ROR1: variants seen among roughly 807,000 people sequenced by gnomAD.
ROR1 encodes inactive tyrosine-protein kinase transmembrane receptor ROR1.
In ROR1, 19 loss-of-function variants were observed where a neutral mutation model predicts 78.8. The ratio of observed to expected loss-of-function variants is 0.24; its 90% CI spans 0.17 to 0.35. The LOEUF is 0.35. ROR1 is among the 10% of genes least tolerant of loss of function. ROR1 has a pLI of 1.00. For missense variants in ROR1, 917 were observed against 1,177.8 expected (o/e 0.78, Z 3.24); for synonymous variants, 386 against 433.6 (o/e 0.89, Z 1.36).
At chr1:63,930,545 C>G (rs1645743410) in intron 1 of ROR1, among the ~76,000 whole-genome samples, 1 of 152,188 alleles carries the variant, frequency 6.6e-6, no homozygotes, top group Admixed American at 6.5e-5. Flanking sequence ...CCAGCTGCAT[C>G]AGGTGGTAGA....
intron 2 of ROR1, among the ~76,000 whole-genome samples, chr1:64,025,171 C>G (rs1646597772): frequency 6.6e-6 from 1 of 152,092 alleles, no homozygotes; most frequent in Admixed American, 6.6e-5. Context: ...ATATTTCCAC[C>G]CCTAGGAAGG....
intron 1 of ROR1, among the ~76,000 whole-genome samples, chr1:63,824,484 A>C (rs1644942042): frequency 6.6e-6 from 1 of 152,226 alleles, no homozygotes; most frequent in Non-Finnish European, 1.5e-5. Context: ...GCCATACAAA[A>C]ATAGACAGTG....
chr1:63,928,073 C>T (rs1645720806), intron 1 of ROR1, among the ~76,000 whole-genome samples: 1 of 151,928 alleles, frequency 6.6e-6, no homozygotes, highest in African/African-American at 2.4e-5. Context: ...TGGAAGTCAC[C>T]AAAACCGTTT....
At chr1:63,809,588 C>T (rs915949193) in intron 1 of ROR1, among the ~76,000 whole-genome samples, 7 of 152,226 alleles carry the variant, frequency 4.6e-5, no homozygotes, top group Non-Finnish European at 8.8e-5. Flanking sequence ...CTAGGGGAGA[C>T]GCTTAAGCAA....
chr1:63,974,888 G>C (rs2100501657), intron 1 of ROR1, among the ~76,000 whole-genome samples: 1 of 152,216 alleles, frequency 6.6e-6, no homozygotes, highest in Middle Eastern at 3.4e-3. Context: ...GCAGAACTTG[G>C]GTTCCACCTC....
intron 7 of ROR1, among the ~76,000 whole-genome samples, chr1:64,157,377 A>G (rs1216444487): frequency 6.6e-6 from 1 of 152,046 alleles, no homozygotes; most frequent in Non-Finnish European, 1.5e-5. Flanking sequence ...AGGCTCAAGC[A>G]ACCTGCCTGC....
At chr1:63,867,686 C>T (rs1645225153) in intron 1 of ROR1, among the ~76,000 whole-genome samples, 2 of 152,116 alleles carry the variant, frequency 1.3e-5, no homozygotes, top group African/African-American at 2.4e-5. Flanking sequence ...CTGACCTCGC[C>T]GACGAAAATA....
chr1:64,078,299 G>A (rs1185521473), intron 4 of ROR1, among the ~76,000 whole-genome samples: 2 of 152,190 alleles, frequency 1.3e-5, no homozygotes, highest in African/African-American at 2.4e-5. Flanking sequence ...TAGACAAGCA[G>A]GGGAGATCAT....
At chr1:63,999,472 A>T (rs2100531028) in intron 1 of ROR1, among the ~76,000 whole-genome samples, 1 of 152,286 alleles carries the variant, frequency 6.6e-6, no homozygotes, top group East Asian at 1.9e-4. Flanking sequence ...TCAGGACAAG[A>T]TCCTCCAGAA....
chr1:63,820,448 T>G (rs958870640), intron 1 of ROR1, among the ~76,000 whole-genome samples: 1 of 152,246 alleles, frequency 6.6e-6, no homozygotes, highest in Non-Finnish European at 1.5e-5. Context: ...TTTTAGTTTA[T>G]GGAGGACTGT....
At chr1:64,135,562 C>T (rs1443874680) in intron 4 of ROR1, among the ~76,000 whole-genome samples, 2 of 152,042 alleles carry the variant, frequency 1.3e-5, no homozygotes, top group African/African-American at 4.8e-5. Flanking sequence ...TTTCCAAGAT[C>T]CAAGTGTGGG....
intron 4 of ROR1, among the ~76,000 whole-genome samples, chr1:64,055,490 C>T (rs1646866545): frequency 6.6e-6 from 1 of 152,186 alleles, no homozygotes; most frequent in Admixed American, 6.5e-5. Flanking sequence ...ATTCCAAGGA[C>T]AGAGGGCAAG....
intron 1 of ROR1, among the ~76,000 whole-genome samples, chr1:63,866,854 T>C (rs1645218550): frequency 6.6e-6 from 1 of 152,204 alleles, no homozygotes; most frequent in South Asian, 2.1e-4. Context: ...AAATTCCAGG[T>C]GTTCTTTTAC....
At chr1:64,133,821 G>A (rs963386062) in intron 4 of ROR1, among the ~76,000 whole-genome samples, 5 of 152,220 alleles carry the variant, frequency 3.3e-5, no homozygotes, top group Non-Finnish European at 5.9e-5. Flanking sequence ...TGAGCATGGA[G>A]TAAGGCAGGA....
intron 1 of ROR1, among the ~76,000 whole-genome samples, chr1:63,941,097 A>G (rs369717385): frequency 6.6e-6 from 1 of 152,202 alleles, no homozygotes; most frequent in Non-Finnish European, 1.5e-5. Flanking sequence ...GACTAAAGAG[A>G]CATGGTCACT....
intron 2 of ROR1, among the ~76,000 whole-genome samples, chr1:64,044,990 C>T (rs957520682): frequency 6.6e-6 from 1 of 152,126 alleles, no homozygotes; most frequent in Non-Finnish European, 1.5e-5. Context: ...GTTCTCTAAA[C>T]AGGCAATGCA....
intron 4 of ROR1, among the ~76,000 whole-genome samples, chr1:64,085,573 C>T (rs932657352): frequency 2.0e-5 from 3 of 152,050 alleles, no homozygotes; most frequent in African/African-American, 4.8e-5. Flanking sequence ...AAATCTCTGC[C>T]GACCCCAAAA....
chr1:64,072,017 G>A (rs1647008279), intron 4 of ROR1, among the ~76,000 whole-genome samples: 1 of 152,116 alleles, frequency 6.6e-6, no homozygotes. Context: ...CTCCAAACAG[G>A]AGAACTACCC....
intron 4 of ROR1, among the ~76,000 whole-genome samples, chr1:64,093,904 A>G (rs1647230911): frequency 6.6e-6 from 1 of 152,158 alleles, no homozygotes; most frequent in Non-Finnish European, 1.5e-5. Flanking sequence ...TTAATTCTCA[A>G]AGCAACTTTA....
Sources: gnomAD v4.1 joint callset for allele counts (sites outside exome capture counted in the v4.1 genomes callset) on GRCh38, gnomAD v4.1.1 for gene constraint, MANE v1.5 for transcripts, NCBI Gene and HGNC (gene_info 2026-07-23, HGNC 2026-07-21) for gene names.